The following USP9X variants were observed in gnomAD, a reference collection of about 807,000 sequenced individuals.
The protein encoded by USP9X is ubiquitin specific peptidase 9 X-linked.
USP9X carries 7 observed loss-of-function variants against 190.3 expected under a neutral mutation model. The ratio of observed to expected loss-of-function variants is 0.04; its 90% CI spans 0.02 to 0.07. USP9X has a LOEUF of 0.07. Ranked by LOEUF, USP9X falls within the 10% of genes least tolerant of loss-of-function variation. The pLI is 1.00. For missense variants in USP9X, 1,010 were observed against 1,916.9 expected (o/e 0.53, Z 8.83); for synonymous variants, 645 against 659.5 (o/e 0.98, Z 0.34).
chrX:41,227,745 G>GGCTGGAGT (rs1314726257), intron 41 of USP9X, among the ~76,000 whole-genome samples: 2 of 109,956 alleles, frequency 1.8e-5, no homozygotes, highest in African/African-American at 6.6e-5. Context: ...CTGTCACCCA[G>GGCTGGAGT]GCTGGAGTGC....
intron 31 of USP9X, chrX:41,205,100 A>G (rs1206655091): frequency 2.3e-5 from 8 of 346,776 alleles, no homozygotes; most frequent in Non-Finnish European, 3.4e-5. Flanking sequence ...TCTTTCTTAC[A>G]CATGGTCAGG....
intron 21 of USP9X, among the ~76,000 whole-genome samples, chrX:41,179,426 C>T (rs2062807247): frequency 9.0e-6 from 1 of 111,481 alleles, no homozygotes; most frequent in Non-Finnish European, 1.9e-5. Context: ...GTCCTGTGTT[C>T]GTTCTTTCAT....
chrX:41,159,399 T>G lies in USP9X; in HGVS notation c.1898-3391T>G, dbSNP rs372414249. Among the ~76,000 whole-genome samples the G allele has an allele frequency of 4.5e-5, 5 of 112,096 alleles. No homozygotes were observed. The East Asian group carries it at 1.1e-3, about 25-fold the overall frequency. On this transcript the variant is annotated intron_variant, in intron 14 of 44. Coordinates refer to ENST00000378308, the MANE Select transcript of USP9X (RefSeq NM_001039591.3). Reference sequence around the variant, plus strand: ...AATATTAATCGTAGAATTTACCATATTACCCATTCCCAGTTACATACCCAA... The same window carrying G: ...AATATTAATCGTAGAATTTACCATAGTACCCATTCCCAGTTACATACCCAA...
At chrX:41,102,682 A>T (rs774895530) in intron 1 of USP9X, among the ~76,000 whole-genome samples, 8 of 112,085 alleles carry the variant, frequency 7.1e-5, no homozygotes, top group African/African-American at 9.7e-5. Context: ...ATGAAATGAG[A>T]TCTTTCTTTT....
chrX:41,151,906 G>A (rs1300977150), intron 13 of USP9X, among the ~76,000 whole-genome samples: 3 of 112,486 alleles, frequency 2.7e-5, no homozygotes, highest in South Asian at 3.6e-4. Context: ...GCTTGAGCCC[G>A]GGAGGCAGAG....
At chrX:41,175,166 C>G (rs908607069) in intron 21 of USP9X, among the ~76,000 whole-genome samples, 1 of 111,374 alleles carries the variant, frequency 9.0e-6, no homozygotes, top group East Asian at 2.8e-4. Flanking sequence ...TCAGACTGTT[C>G]TGTGTTACTT....
chrX:41,098,032 A>G (rs190954558), intron 1 of USP9X, among the ~76,000 whole-genome samples: 1 of 111,715 alleles, frequency 9.0e-6, no homozygotes, highest in Non-Finnish European at 1.9e-5. Flanking sequence ...TAGAAAATAT[A>G]TACATCTGTG....
intron 30 of USP9X, 142 bp from the exon 31 acceptor site, chrX:41,200,918 C>A: frequency 1.7e-6 from 1 of 580,096 alleles, no homozygotes; most frequent in Non-Finnish European, 2.7e-6. Context: ...GAAGTGCAAA[C>A]TCAGAACACT....
intron 1 of USP9X, among the ~76,000 whole-genome samples, chrX:41,086,474 C>G (rs2061912607): frequency 9.0e-6 from 1 of 110,594 alleles, no homozygotes; most frequent in Middle Eastern, 4.6e-3. Context: ...GGGGCCGGGT[C>G]GGTTTGGGGG....
At chrX:41,225,214 A>AT (rs1034611007) in intron 41 of USP9X, 77 bp downstream of exon 41, 48 of 952,884 alleles carry the variant, frequency 5.0e-5, no homozygotes, top group African/African-American at 2.7e-4. Context: ...CAGTCACCAC[A>AT]TTTTTTTTAA....
chrX:41,223,105 CAA>C (rs1444785580), intron 38 of USP9X, 110 bp from the exon 39 acceptor site: 1 of 726,063 alleles, frequency 1.4e-6, no homozygotes, highest in Non-Finnish European at 2.0e-6. Flanking sequence ...AAATTATAGA[CAA>C]GATATTTTGT....
At chrX:41,162,699 CA>C in intron 14 of USP9X, 90 bp from the exon 15 acceptor site, 1 of 676,230 alleles carries the variant, frequency 1.5e-6, no homozygotes, top group Non-Finnish European at 2.1e-6. Flanking sequence ...GGATTAGTGA[CA>C]TTTTAACTGG....
intron 1 of USP9X, among the ~76,000 whole-genome samples, chrX:41,115,013 G>A (rs1219497496): frequency 1.9e-5 from 2 of 107,987 alleles, no homozygotes; most frequent in Non-Finnish European, 3.8e-5. Flanking sequence ...ACGAGGTCAG[G>A]AGTTTTAGAC....
intron 33 of USP9X, among the ~76,000 whole-genome samples, chrX:41,210,915 A>G (rs974888732): frequency 9.0e-6 from 1 of 110,849 alleles, no homozygotes; most frequent in East Asian, 2.8e-4. Context: ...ATTTTATTAT[A>G]TTATACTCTT....
intron 36 of USP9X, 50 bp from the exon 37 acceptor site, chrX:41,218,320 TAG>T: frequency 8.8e-7 from 1 of 1,140,659 alleles, no homozygotes; most frequent in Admixed American, 2.3e-5. Context: ...CCTTTTACTA[TAG>T]AGAACAAGTT....
rs756457207 is a variant in USP9X at position 41,188,010 on chromosome X, G to C, written c.3703G>C (p.Asp1235His). ...CTTGCAGGCTTCAAGATATATGCCT[G>C]ATATTTGTGTAATTAGAGCTATACA... ...ISDEASRYMP[D>H]ICVIRAIQKI... is the part of the protein sequence containing the mutation. The change falls in exon 25 of 45, where the codon GAT becomes CAT. Residue 1235 changes from aspartate (D) to histidine (H), a missense_variant. Physicochemically the swap from Asp to His is moderately conservative, Grantham distance 81 (BLOSUM62 -1). Transcript: ENST00000378308. 7.5e-6 allele frequency: 9 copies of C among 1,206,249 alleles called. No individual in the cohort carries two copies. Among genetic ancestry groups the C allele is most frequent in the Non-Finnish European group, 9.0e-6 (8 of 892,783 alleles).
At chrX:41,143,797 C>G (rs1290685265) in intron 10 of USP9X, among the ~76,000 whole-genome samples, 1 of 111,471 alleles carries the variant, frequency 9.0e-6, no homozygotes, top group African/African-American at 3.3e-5. Flanking sequence ...AGAATTAATT[C>G]ACTTGATTAT....
intron 1 of USP9X, among the ~76,000 whole-genome samples, chrX:41,121,852 C>CTG (rs986267514): frequency 5.4e-5 from 6 of 111,570 alleles, no homozygotes; most frequent in Non-Finnish European, 1.1e-4. Context: ...AAGAGGGCTA[C>CTG]TGATCTAATG....
Position 41,164,651 on chromosome X carries a change from T to C in USP9X, c.1986-1221T>C, listed in dbSNP as rs145201129. 4.8e-3 allele frequency among the ~76,000 whole-genome samples: 537 copies of C among 112,335 alleles called. 3 individuals are homozygous for C. Among genetic ancestry groups the C allele is most frequent in the Non-Finnish European group, 7.2e-3 (386 of 53,288 alleles). ...TGTGTTGGGCCTGTGCCAGACACTT[T>C]ATATTTACTCCGAAGCAACACAGTG... On this transcript the variant is annotated intron_variant, in intron 15 of 44. Coordinates refer to ENST00000378308, the MANE Select transcript of USP9X (RefSeq NM_001039591.3).
Sources: allele counts gnomAD v4.1 joint callset (sites outside exome capture counted in the v4.1 genomes callset), GRCh38; gene constraint gnomAD v4.1.1; transcripts MANE v1.5; gene names NCBI Gene and HGNC (gene_info 2026-07-23, HGNC 2026-07-21).